The following RNF168 variants were observed in gnomAD, a reference collection of about 807,000 sequenced individuals.
The protein encoded by RNF168 is E3 ubiquitin-protein ligase RNF168.
Under a neutral mutation model 34.9 loss-of-function variants are expected in RNF168, and 34 were observed. The observed-to-expected ratio is 0.97, with a 90% CI of 0.74 to 1.30. The LOEUF is 1.30. Among genes scored for constraint, RNF168 ranks in the 50% most tolerant of loss-of-function variants. The probability of loss-of-function intolerance (pLI) is 0.00; values close to 1 mark genes in which losing one functional copy is unlikely to be tolerated. For synonymous variants in RNF168, 264 were observed against 254.7 expected (o/e 1.04, Z -0.35); for missense variants, 725 against 682.5 (o/e 1.06, Z -0.69).
chr3:196,498,792 C>G (rs761244070), intron 1 of RNF168, among the ~76,000 whole-genome samples: 1 of 151,914 alleles, frequency 6.6e-6, no homozygotes, highest in Admixed American at 6.6e-5. Flanking sequence ...GTCAGGAGTT[C>G]GACACCAGGC....
intron 1 of RNF168, among the ~76,000 whole-genome samples, chr3:196,495,168 T>C (rs1040448468): frequency 2.1e-5 from 3 of 139,906 alleles, no homozygotes; most frequent in African/African-American, 7.8e-5. Context: ...AACTGCCACA[T>C]TGCCTTTCGT....
chr3:196,478,078 T>TA (rs1732189155), intron 4 of RNF168, among the ~76,000 whole-genome samples: 1 of 152,210 alleles, frequency 6.6e-6, no homozygotes, highest in Non-Finnish European at 1.5e-5. Context: ...CCCTGTCTCT[T>TA]AAACAAAACA....
chr3:196,503,328 T>C lies in RNF168; in HGVS notation c.-155A>G, dbSNP rs1362644731. 3 of 721,028 alleles carry C rather than the reference T, an allele frequency of 4.2e-6. No individual in the cohort carries two copies. The highest frequency in any genetic ancestry group is 3.6e-5 in the African/African-American group (2 of 56,184). The allele number at this position is 721,028 out of a possible 1,614,324, so 44.7% of individuals were successfully genotyped here. ...GGAGAACAGGAGCATCCAACACGTCTTGAAGCAAAAAGGCGCTCTCAGGGT... is the reference window on the plus strand; with the variant it reads ...GGAGAACAGGAGCATCCAACACGTCCTGAAGCAAAAAGGCGCTCTCAGGGT... On this transcript the variant is annotated 5_prime_UTR_variant, in exon 1 of 6. Coordinates refer to ENST00000318037, the MANE Select transcript of RNF168 (RefSeq NM_152617.4).
intron 1 of RNF168, among the ~76,000 whole-genome samples, chr3:196,489,425 C>T (rs1732539099): frequency 6.6e-6 from 1 of 151,742 alleles, no homozygotes; most frequent in Admixed American, 6.6e-5. Flanking sequence ...CTCCCGGGTT[C>T]AAACAATTAT....
At chr3:196,476,939 G>A (rs535218610) in intron 4 of RNF168, among the ~76,000 whole-genome samples, 1 of 151,204 alleles carries the variant, frequency 6.6e-6, no homozygotes, top group African/African-American at 2.4e-5. Context: ...ATAGAGACAG[G>A]GTTTCACCAC....
At chr3:196,474,447 CT>C (rs78108021) in intron 5 of RNF168, among the ~76,000 whole-genome samples, 1,412 of 121,350 alleles carry the variant, frequency 0.012, 12 homozygotes, top group African/African-American at 0.033. Flanking sequence ...TTGTAATATT[CT>C]TTTTTTTTTT....
Position 196,468,935 on chromosome 3 carries a change from C to CA in RNF168, c.*2883dup. Reference sequence around the variant, plus strand: ...GACTGATACATTTATTAGTTTCTAACAAAAAGGCATACATGGTAGGCAGAG... The same window carrying CA: ...GACTGATACATTTATTAGTTTCTAACAAAAAAGGCATACATGGTAGGCAGAG... On this transcript the variant is annotated 3_prime_UTR_variant, in exon 6 of 6. Transcript: ENST00000318037. 1 of 152,028 alleles carries CA rather than the reference C, an allele frequency of 6.6e-6. No individual in the cohort carries two copies. The highest frequency in any genetic ancestry group is 1.5e-5 in the Non-Finnish European group (1 of 67,982). 9.4% of individuals were successfully genotyped at this position (152,028 alleles called of 1,614,324 possible).
At position 196,469,575 on chromosome 3, in the gene RNF168, A is replaced by C. The variant is rs1731952239; in HGVS notation, c.*2244T>G. ...GAATAGATTACTAGATATCAGCAGA[A>C]ATGCTGTTAAAGCTATTTTTTACTA... On this transcript the variant is annotated 3_prime_UTR_variant, in exon 6 of 6. Coordinates refer to ENST00000318037, the MANE Select transcript of RNF168 (RefSeq NM_152617.4). The C allele has an allele frequency of 6.6e-6, 1 of 152,210 alleles. No homozygotes were observed. Among genetic ancestry groups the C allele is most frequent in the South Asian group, 2.1e-4 (1 of 4,828 alleles). The allele number at this position is 152,210 out of a possible 1,614,324, so 9.4% of individuals were successfully genotyped here.
At chr3:196,491,898 T>C (rs1732606300) in intron 1 of RNF168, among the ~76,000 whole-genome samples, 1 of 152,166 alleles carries the variant, frequency 6.6e-6, no homozygotes, top group Non-Finnish European at 1.5e-5. Context: ...ACAGACACTG[T>C]GTGGGGTTCC....
At chr3:196,475,639 C>T (rs1732128865) in intron 4 of RNF168, among the ~76,000 whole-genome samples, 1 of 150,986 alleles carries the variant, frequency 6.6e-6, no homozygotes, top group South Asian at 2.1e-4. Context: ...CAAGCTCCGC[C>T]TCCCGAGTTC....
intron 1 of RNF168, among the ~76,000 whole-genome samples, chr3:196,496,549 T>C (rs1413744969): frequency 1.3e-5 from 2 of 152,046 alleles, no homozygotes; most frequent in African/African-American, 4.8e-5. Context: ...CTGAAAAAAA[T>C]TGAAGGTGAC....
chr3:196,468,918 C>T lies in RNF168; in HGVS notation c.*2901G>A, dbSNP rs1281399650. ...GACCAGTACCTGCTAGTGACTGATA[C>T]ATTTATTAGTTTCTAACAAAAAGGC... On this transcript the variant is annotated 3_prime_UTR_variant, in exon 6 of 6. Coordinates refer to ENST00000318037, the MANE Select transcript of RNF168 (RefSeq NM_152617.4). 1 of 152,124 alleles carries T rather than the reference C, an allele frequency of 6.6e-6. No homozygotes were observed. Among genetic ancestry groups the T allele is most frequent in the African/African-American group, 2.4e-5 (1 of 41,424 alleles). 9.4% of individuals were successfully genotyped at this position (152,124 alleles called of 1,614,324 possible).
chr3:196,481,482 T>G (rs907933551), intron 4 of RNF168, among the ~76,000 whole-genome samples: 1 of 152,042 alleles, frequency 6.6e-6, no homozygotes, highest in Non-Finnish European at 1.5e-5. Context: ...CACTATGAAG[T>G]ATGATATGTG....
intron 3 of RNF168, among the ~76,000 whole-genome samples, chr3:196,484,240 G>A (rs1295470876): frequency 7.1e-6 from 1 of 140,936 alleles, no homozygotes; most frequent in Non-Finnish European, 1.5e-5. Flanking sequence ...GCGCGATCTC[G>A]GCTCACTGCA....
At chr3:196,497,200 C>T (rs1298256261) in intron 1 of RNF168, among the ~76,000 whole-genome samples, 3 of 151,974 alleles carry the variant, frequency 2.0e-5, no homozygotes, top group Admixed American at 6.6e-5. Context: ...CAGTGTGACA[C>T]TAATATTAGA....
At position 196,502,986 on chromosome 3, in the gene RNF168, C is replaced by G. The variant is rs1051027879; in HGVS notation, c.188G>C (p.Arg63Pro). ...FCRRRVSSWT[R>P]YHTRRNSLVN... The stretch of plus-strand genomic sequence containing the variant: ...GAGAGAATTTCTTCGGGTATGGTAC[C>G]GAGTCCACGACGATACCCGGCGGCG... Residue 63 changes from arginine (R) to proline (P), a missense_variant, in exon 1 of 6, where the codon CGG becomes CCG. Transcript: ENST00000318037. 6.2e-7 allele frequency: 1 copy of G among 1,613,886 alleles called. No homozygotes were observed. The highest frequency in any genetic ancestry group is 1.3e-5 in the African/African-American group (1 of 74,840).
intron 1 of RNF168, among the ~76,000 whole-genome samples, chr3:196,502,474 G>A (rs891308475): frequency 6.6e-6 from 1 of 151,894 alleles, no homozygotes; most frequent in Non-Finnish European, 1.5e-5. Flanking sequence ...TGTAACCCCA[G>A]CTACTCGGGA....
chr3:196,472,146 C>A lies in RNF168; in HGVS notation c.1389G>T (p.Val463=). 6.2e-7 allele frequency: 1 copy of A among 1,614,128 alleles called. No individual in the cohort carries two copies. Reference sequence around the variant, plus strand: ...CTGGGGATCCTTTTTGCCGGTTTGGCACCATTTGCTCTTTATCCACCTCCT... The same window carrying A: ...CTGGGGATCCTTTTTGCCGGTTTGGAACCATTTGCTCTTTATCCACCTCCT... ...LQKEVDKEQM[V]PNRQKGSPDE... is the part of the protein sequence containing the mutation. Residue 463 remains valine (V), a synonymous_variant, in exon 6 of 6, where the codon GTG becomes GTT. Transcript: ENST00000318037.
Position 196,469,264 on chromosome 3 carries a change from T to A in RNF168, c.*2555A>T, listed in dbSNP as rs1482587985. On this transcript the variant is annotated 3_prime_UTR_variant, in exon 6 of 6. Coordinates refer to ENST00000318037, the MANE Select transcript of RNF168 (RefSeq NM_152617.4). Reference sequence around the variant, plus strand: ...CCTGTCTCAGACAAATTTGGTTTATTTATTTTTACTTAACGACCCATGTGA... The same window carrying A: ...CCTGTCTCAGACAAATTTGGTTTATATATTTTTACTTAACGACCCATGTGA... 6.6e-6 allele frequency: 1 copy of A among 152,210 alleles called. No homozygotes were observed. The highest frequency in any genetic ancestry group is 1.5e-5 in the Non-Finnish European group (1 of 68,034). The allele number at this position is 152,210 out of a possible 1,614,324, so 9.4% of individuals were successfully genotyped here. A position where few individuals can be genotyped will look rare whatever the true frequency, so the allele number is the denominator to read the frequency against.
Sources: allele counts gnomAD v4.1 joint callset (sites outside exome capture counted in the v4.1 genomes callset), GRCh38; gene constraint gnomAD v4.1.1; transcripts MANE v1.5; gene names NCBI Gene and HGNC (gene_info 2026-07-23, HGNC 2026-07-21).